ESRRB: variants seen among roughly 807,000 people sequenced by gnomAD.
ESRRB encodes the protein estrogen related receptor beta.
ESRRB carries 16 observed loss-of-function variants against 46.0 expected under a neutral mutation model. The observed-to-expected ratio is 0.35, with a 90% CI of 0.24 to 0.53. The LOEUF (loss-of-function observed/expected upper bound fraction) is 0.53, where lower values mean the gene tolerates loss of function less well. Ranked by LOEUF, ESRRB falls within the 20% of genes least tolerant of loss-of-function variation. The pLI is 0.93. For missense variants in ESRRB, 488 were observed against 607.4 expected (o/e 0.80, Z 2.07); for synonymous variants, 246 against 259.6 (o/e 0.95, Z 0.50).
intron 5 of ESRRB, among the ~76,000 whole-genome samples, chr14:76,488,623 T>C (rs1266191809): frequency 2.6e-5 from 4 of 152,190 alleles, no homozygotes; most frequent in African/African-American, 9.7e-5. Context: ...GGCAGCTTCT[T>C]TGCTGTGCCC....
intron 1 of ESRRB, among the ~76,000 whole-genome samples, chr14:76,357,663 C>T (rs1003475008): frequency 6.6e-6 from 1 of 152,134 alleles, no homozygotes; most frequent in Non-Finnish European, 1.5e-5. Context: ...ATGGCATGCA[C>T]CACCATGCTT....
chr14:76,458,786 C>T (rs1048973759), intron 2 of ESRRB, among the ~76,000 whole-genome samples: 3 of 150,992 alleles, frequency 2.0e-5, no homozygotes, highest in African/African-American at 7.3e-5. Context: ...CTGGAGCTGA[C>T]GGGCTGGGTC....
intron 1 of ESRRB, among the ~76,000 whole-genome samples, chr14:76,317,308 C>CTGTGTGTG (rs1491426391): frequency 4.0e-5 from 5 of 125,148 alleles, no homozygotes; most frequent in African/African-American, 1.6e-4. Context: ...GCTGATTAGG[C>CTGTGTGTG]TCTGTGTGTG....
intron 3 of ESRRB, among the ~76,000 whole-genome samples, chr14:76,465,474 T>A (rs1889066907): frequency 6.6e-6 from 1 of 152,056 alleles, no homozygotes; most frequent in African/African-American, 2.4e-5. Flanking sequence ...AATTGACCGG[T>A]GGCCACTCAG....
At chr14:76,346,842 C>T (rs115560007) in intron 1 of ESRRB, among the ~76,000 whole-genome samples, 2,882 of 152,292 alleles carry the variant, frequency 0.019, 83 homozygotes, top group African/African-American at 0.065. Flanking sequence ...CATTTTGCCA[C>T]GCCGTAGTCT....
chr14:76,346,940 G>A (rs1189952861), intron 1 of ESRRB, among the ~76,000 whole-genome samples: 1 of 152,224 alleles, frequency 6.6e-6, no homozygotes, highest in Non-Finnish European at 1.5e-5. Context: ...GCCAGCAGCT[G>A]TGAATAACAT....
At chr14:76,375,863 C>T (rs1292101982), upstream of ESRRB, among the ~76,000 whole-genome samples, 1 of 149,626 alleles carries the variant, frequency 6.7e-6, no homozygotes, top group Non-Finnish European at 1.5e-5. Flanking sequence ...TCCCCCCACC[C>T]CAGACCCACC....
At chr14:76,472,069 T>C (rs1324772741) in intron 3 of ESRRB, among the ~76,000 whole-genome samples, 1 of 152,240 alleles carries the variant, frequency 6.6e-6, no homozygotes, top group Non-Finnish European at 1.5e-5. Context: ...GGGTGGAATC[T>C]AGTCTCCTTG....
intron 1 of ESRRB, among the ~76,000 whole-genome samples, chr14:76,335,089 T>G (rs1401146420): frequency 6.6e-6 from 1 of 152,204 alleles, no homozygotes; most frequent in Non-Finnish European, 1.5e-5. Flanking sequence ...AGTTCCCTAT[T>G]GGTTCCCCTT....
At chr14:76,311,705 A>G (rs148264000) in intron 1 of ESRRB, among the ~76,000 whole-genome samples, 15 of 152,316 alleles carry the variant, frequency 9.8e-5, no homozygotes, top group African/African-American at 2.9e-4. Context: ...CATCCTTCGC[A>G]AAGGAAGAAA....
At position 76,500,167 on chromosome 14, in the gene ESRRB, T is replaced by A. The variant is rs1425611689; in HGVS notation, c.*1709T>A. The A allele has an allele frequency of 9.1e-6, 9 of 985,570 alleles. No individual in the cohort carries two copies. Among genetic ancestry groups the A allele is most frequent in the Non-Finnish European group, 1.4e-5 (9 of 663,348 alleles). 61.1% of individuals were successfully genotyped at this position (985,570 alleles called of 1,614,324 possible). On this transcript the variant is annotated 3_prime_UTR_variant, in exon 7 of 7. Coordinates refer to ENST00000644823, the MANE Select transcript of ESRRB (RefSeq NM_001379180.1). ...GCTTCTGGGCTGGGACGTGCTGAGG[T>A]CATCCCAGACAGGAGGGAGGGCTGG...
chr14:76,432,468 T>G (rs1397994501), intron 1 of ESRRB, among the ~76,000 whole-genome samples: 1 of 152,194 alleles, frequency 6.6e-6, no homozygotes, highest in Non-Finnish European at 1.5e-5. Context: ...CTCCTTCTCC[T>G]AGTCCTCCTG....
At chr14:76,445,660 C>T (rs1451571483) in intron 2 of ESRRB, among the ~76,000 whole-genome samples, 1 of 151,442 alleles carries the variant, frequency 6.6e-6, no homozygotes, top group Non-Finnish European at 1.5e-5. Context: ...AAGACTAAGA[C>T]CGAGTCATTC....
intron 1 of ESRRB, among the ~76,000 whole-genome samples, chr14:76,399,846 C>A (rs1010794607): frequency 1.3e-5 from 2 of 152,152 alleles, no homozygotes; most frequent in African/African-American, 2.4e-5. Context: ...ACTTCACAGT[C>A]ACACCCTGCT....
At chr14:76,406,628 C>T (rs1256760275) in intron 1 of ESRRB, among the ~76,000 whole-genome samples, 6 of 152,100 alleles carry the variant, frequency 3.9e-5, no homozygotes, top group African/African-American at 1.4e-4. Flanking sequence ...ACCTGTAATC[C>T]CAGCTACTTG....
At chr14:76,437,428 AT>A (rs1887720713) in intron 1 of ESRRB, among the ~76,000 whole-genome samples, 1 of 152,160 alleles carries the variant, frequency 6.6e-6, no homozygotes, top group South Asian at 2.1e-4. Context: ...TGGCATTGCT[AT>A]TTGGCCATGG....
intron 1 of ESRRB, among the ~76,000 whole-genome samples, chr14:76,344,057 C>T (rs1023255289): frequency 1.6e-4 from 25 of 152,164 alleles, no homozygotes; most frequent in African/African-American, 3.6e-4. Context: ...ATGGTGCCTG[C>T]GGCAATAATT....
At chr14:76,496,083 C>T (rs1296167029) in intron 6 of ESRRB, among the ~76,000 whole-genome samples, 3 of 152,206 alleles carry the variant, frequency 2.0e-5, no homozygotes, top group Non-Finnish European at 4.4e-5. Context: ...ATAGGGAGAA[C>T]AGCAGCTCAT....
At chr14:76,491,299 A>G in intron 5 of ESRRB, 148 bp from the exon 6 acceptor site, 1 of 725,980 alleles carries the variant, frequency 1.4e-6, no homozygotes, top group South Asian at 1.8e-5. Flanking sequence ...TACGCTACAC[A>G]GGGAAAGCCT....
Sources: gnomAD v4.1 joint callset for allele counts (sites outside exome capture counted in the v4.1 genomes callset) on GRCh38, gnomAD v4.1.1 for gene constraint, MANE v1.5 for transcripts, NCBI Gene and HGNC (gene_info 2026-07-23, HGNC 2026-07-21) for gene names.